Variants in MRTFA observed in about 807,000 individuals in gnomAD.
MRTFA encodes the protein myocardin related transcription factor A.
MRTFA carries 20 observed loss-of-function variants against 83.5 expected under a neutral mutation model. The observed-to-expected ratio is 0.24, with a 90% CI of 0.17 to 0.35. The LOEUF (loss-of-function observed/expected upper bound fraction) is 0.35, where lower values mean the gene tolerates loss of function less well. Ranked by LOEUF, MRTFA falls within the 10% of genes least tolerant of loss-of-function variation. MRTFA has a pLI of 1.00. For missense variants in MRTFA, 1,200 were observed against 1,224.7 expected (o/e 0.98, Z 0.30); for synonymous variants, 659 against 541.2 (o/e 1.22, Z -3.02).
At chr22:40,482,659 T>C (rs2054110289) in intron 3 of MRTFA, among the ~76,000 whole-genome samples, 1 of 152,158 alleles carries the variant, frequency 6.6e-6, no homozygotes. Flanking sequence ...TTTTCCTTAT[T>C]GCATTAGTTC....
intron 3 of MRTFA, among the ~76,000 whole-genome samples, chr22:40,532,269 G>C (rs1397664982): frequency 1.3e-5 from 2 of 152,222 alleles, no homozygotes; most frequent in African/African-American, 4.8e-5. Context: ...GAGATGATCT[G>C]TAAGTAACAA....
chr22:40,498,188 T>TA (rs2054388768), intron 3 of MRTFA, among the ~76,000 whole-genome samples: 1 of 147,020 alleles, frequency 6.8e-6, no homozygotes, highest in South Asian at 2.2e-4. Context: ...AGCATGCACT[T>TA]ACAAAAATTT....
Position 40,410,868 on chromosome 22 carries a change from T to C in MRTFA, c.*522A>G, listed in dbSNP as rs1602184396. The C allele has an allele frequency of 1.3e-5, 3 of 233,456 alleles. No individual in the cohort carries two copies. The East Asian group carries it at 1.8e-4, about 14-fold the overall frequency. 14.5% of individuals were successfully genotyped at this position (233,456 alleles called of 1,614,324 possible). On this transcript the variant is annotated 3_prime_UTR_variant, in exon 15 of 15. Coordinates refer to ENST00000355630, the MANE Select transcript of MRTFA (RefSeq NM_020831.6). ...ATTGTTGCCACCAACCACTAAATGGTTACACTACACCAAGACACTAAAATG... is the reference window on the plus strand; with the variant it reads ...ATTGTTGCCACCAACCACTAAATGGCTACACTACACCAAGACACTAAAATG...
At chr22:40,470,903 TG>T (rs1347529280) in intron 3 of MRTFA, among the ~76,000 whole-genome samples, 1 of 150,652 alleles carries the variant, frequency 6.6e-6, no homozygotes, top group African/African-American at 2.4e-5. Flanking sequence ...GAGCTGAGAT[TG>T]TGCCACTGCA....
chr22:40,576,064 T>C (rs898551948), intron 2 of MRTFA, among the ~76,000 whole-genome samples: 1 of 151,048 alleles, frequency 6.6e-6, no homozygotes, highest in South Asian at 2.1e-4. Flanking sequence ...AGTCTTGTTC[T>C]GTCTCCCAGG....
chr22:40,623,996 C>G (rs1032995000), intron 1 of MRTFA, among the ~76,000 whole-genome samples: 1 of 152,168 alleles, frequency 6.6e-6, no homozygotes, highest in Admixed American at 6.5e-5. Flanking sequence ...ACCAGCTACT[C>G]AGGAGGCTGA....
intron 1 of MRTFA, among the ~76,000 whole-genome samples, chr22:40,617,769 C>CA (rs1556027514): frequency 1.3e-5 from 2 of 151,768 alleles, no homozygotes; most frequent in African/African-American, 4.8e-5. Context: ...ATGGCCTAGC[C>CA]ATTAGGAGAA....
chr22:40,487,925 T>A (rs999916233), intron 3 of MRTFA, among the ~76,000 whole-genome samples: 31 of 152,192 alleles, frequency 2.0e-4, no homozygotes, highest in African/African-American at 7.5e-4. Context: ...ATGAACCACC[T>A]ACCATGTATA....
chr22:40,628,932 C>G (rs1464679351), intron 1 of MRTFA, among the ~76,000 whole-genome samples: 1 of 152,188 alleles, frequency 6.6e-6, no homozygotes, highest in East Asian at 1.9e-4. Context: ...TCTGCTTTAA[C>G]ACCTGCAGTG....
chr22:40,546,677 A>G (rs909737127), intron 3 of MRTFA, among the ~76,000 whole-genome samples: 5 of 152,194 alleles, frequency 3.3e-5, no homozygotes, highest in African/African-American at 7.2e-5. Flanking sequence ...ACACTAAGGG[A>G]AAGTTAGAGT....
intron 3 of MRTFA, among the ~76,000 whole-genome samples, chr22:40,539,603 A>G (rs1224177419): frequency 6.9e-6 from 1 of 144,894 alleles, no homozygotes; most frequent in African/African-American, 2.4e-5. Flanking sequence ...CCCGGGTTCA[A>G]GCGATTCTCC....
chr22:40,596,249 C>T (rs1009013200), intron 1 of MRTFA, among the ~76,000 whole-genome samples: 1 of 151,768 alleles, frequency 6.6e-6, no homozygotes, highest in Non-Finnish European at 1.5e-5. Flanking sequence ...GGCTGAGTGC[C>T]GTAGCTCAGT....
At chr22:40,501,927 G>A (rs1461699128) in intron 3 of MRTFA, among the ~76,000 whole-genome samples, 1 of 90,428 alleles carries the variant, frequency 1.1e-5, no homozygotes. Context: ...CAGTAGGGGC[G>A]GCTGGGCAGA....
intron 3 of MRTFA, among the ~76,000 whole-genome samples, chr22:40,465,287 C>T (rs755388131): frequency 2.6e-5 from 4 of 152,174 alleles, no homozygotes; most frequent in Non-Finnish European, 5.9e-5. Context: ...TCCCCCATAG[C>T]ACTTAATACA....
chr22:40,635,549 C>T (rs1014054100), intron 1 of MRTFA, among the ~76,000 whole-genome samples: 1 of 152,140 alleles, frequency 6.6e-6, no homozygotes, highest in African/African-American at 2.4e-5. Flanking sequence ...CAGAGGCTGG[C>T]AAGCAAGTTA....
chr22:40,625,351 C>G (rs2056569212), intron 1 of MRTFA, among the ~76,000 whole-genome samples: 1 of 151,626 alleles, frequency 6.6e-6, no homozygotes, highest in South Asian at 2.1e-4. Flanking sequence ...TGTGTTGGCT[C>G]AAACCTGTAA....
chr22:40,583,955 A>G (rs1335301683), intron 2 of MRTFA, among the ~76,000 whole-genome samples: 1 of 152,172 alleles, frequency 6.6e-6, no homozygotes, highest in Admixed American at 6.5e-5. Context: ...TTTCATCCCC[A>G]TGTGGTATAT....
At chr22:40,607,232 C>T (rs1425423760) in intron 1 of MRTFA, among the ~76,000 whole-genome samples, 1 of 152,066 alleles carries the variant, frequency 6.6e-6, no homozygotes, top group Admixed American at 6.6e-5. Context: ...AGGCCGGGTG[C>T]GGTGGCTCAC....
At chr22:40,532,730 T>C (rs2055104374) in intron 3 of MRTFA, among the ~76,000 whole-genome samples, 2 of 152,212 alleles carry the variant, frequency 1.3e-5, no homozygotes, top group South Asian at 4.1e-4. Flanking sequence ...AGACCAATTC[T>C]GCCAGAGACA....
Sources: gnomAD v4.1 joint callset for allele counts (sites outside exome capture counted in the v4.1 genomes callset) on GRCh38, gnomAD v4.1.1 for gene constraint, MANE v1.5 for transcripts, NCBI Gene and HGNC (gene_info 2026-07-23, HGNC 2026-07-21) for gene names.